SLC30A6: variants seen among roughly 807,000 people sequenced by gnomAD.
SLC30A6 encodes the protein solute carrier family 30 member 6.
In SLC30A6, 55 loss-of-function variants were observed where a neutral mutation model predicts 63.0. The ratio of observed to expected loss-of-function variants is 0.87; its 90% CI spans 0.70 to 1.09. The LOEUF is 1.09. SLC30A6 is among the 50% of genes least tolerant of loss of function. The probability of loss-of-function intolerance (pLI) is 0.00; values close to 1 mark genes in which losing one functional copy is unlikely to be tolerated. For synonymous variants in SLC30A6, 224 were observed against 186.1 expected, an observed-to-expected ratio of 1.20 and a Z score of -1.66; for missense variants, 587 against 549.2, an observed-to-expected ratio of 1.07 and a Z score of -0.69.
intron 10 of SLC30A6, 21 bp from the exon 11 acceptor site, chr2:32,204,569 A>C (rs1285350100): frequency 6.5e-7 from 1 of 1,536,758 alleles, no homozygotes; most frequent in Non-Finnish European, 9.0e-7. Flanking sequence ...TTTAAAATTT[A>C]GAATTGTTTT....
At chr2:32,200,030 G>A (rs988203912) in intron 10 of SLC30A6, among the ~76,000 whole-genome samples, 2 of 151,702 alleles carry the variant, frequency 1.3e-5, no homozygotes, top group Non-Finnish European at 2.9e-5. Flanking sequence ...CAGGAGAATC[G>A]CTTGAACCCA....
At chr2:32,199,554 G>T (rs761038084) in intron 10 of SLC30A6, among the ~76,000 whole-genome samples, 3 of 151,984 alleles carry the variant, frequency 2.0e-5, no homozygotes, top group Non-Finnish European at 2.9e-5. Flanking sequence ...TTTTTTCTTT[G>T]TGTTCTAATT....
intron 13 of SLC30A6, among the ~76,000 whole-genome samples, chr2:32,212,653 A>ATGGC (rs1267202467): frequency 7.3e-6 from 1 of 136,910 alleles, no homozygotes; most frequent in Non-Finnish European, 1.5e-5. Context: ...ACTGAGTGCA[A>ATGGC]TGGCTTGATC....
At chr2:32,212,894 A>ATT (rs10522618) in intron 13 of SLC30A6, among the ~76,000 whole-genome samples, 14 of 118,244 alleles carry the variant, frequency 1.2e-4, no homozygotes, top group South Asian at 6.2e-4. Context: ...TGTGTCCAGC[A>ATT]TTTTTTTTTT....
At chr2:32,203,531 C>T in intron 10 of SLC30A6, 6 of 1,606,336 alleles carry the variant, frequency 3.7e-6, no homozygotes, top group South Asian at 1.1e-5. Context: ...CTTTGAACCA[C>T]GATCTTTGAT....
At chr2:32,203,998 G>T in intron 10 of SLC30A6, 1 of 707,176 alleles carries the variant, frequency 1.4e-6, no homozygotes, top group Non-Finnish European at 2.5e-6. Flanking sequence ...ACGGAGTTTT[G>T]ACTATTTGAT....
chr2:32,215,518 T>TATATATATATATATATATATATATATATA (rs66665816), intron 13 of SLC30A6, among the ~76,000 whole-genome samples: 5 of 93,270 alleles, frequency 5.4e-5, no homozygotes, highest in African/African-American at 2.4e-4. Context: ...ATATATATAT[T>TATATATATATATATATATATATATATATA]TTTTTTTTTT....
intron 1 of SLC30A6, 142 bp downstream of exon 1, chr2:32,166,045 G>C (rs968511201): frequency 6.3e-5 from 79 of 1,248,780 alleles, no homozygotes; most frequent in Admixed American, 1.1e-4. Context: ...AGGAGCGGCT[G>C]TCTCCCAAAA....
chr2:32,199,059 A>G lies in SLC30A6; in HGVS notation c.665+1233A>G, dbSNP rs540599855. On this transcript the variant is annotated intron_variant, in intron 10 of 13. Transcript: ENST00000282587. ...CTCTAGGAATTTGACTTCTCTAAGTACTTCACAGAAATGAAATCATATAAT... is the reference window on the plus strand; with the variant it reads ...CTCTAGGAATTTGACTTCTCTAAGTGCTTCACAGAAATGAAATCATATAAT... Among the ~76,000 whole-genome samples the G allele has an allele frequency of 2.6e-5, 4 of 152,306 alleles. No individual in the cohort carries two copies. In the East Asian group the frequency reaches 7.7e-4, roughly 29 times the overall value.
At chr2:32,189,174 A>G (rs983145462) in intron 5 of SLC30A6, among the ~76,000 whole-genome samples, 1 of 152,122 alleles carries the variant, frequency 6.6e-6, no homozygotes, top group East Asian at 1.9e-4. Flanking sequence ...ATTAAAAGAT[A>G]AGATAATACC....
intron 11 of SLC30A6, among the ~76,000 whole-genome samples, chr2:32,205,224 G>T (rs767875766): frequency 9.9e-5 from 15 of 152,132 alleles, no homozygotes; most frequent in South Asian, 2.1e-4. Flanking sequence ...TTCGAGACCA[G>T]CCTGGCCAAC....
At chr2:32,189,008 ATTG>A (rs1242445440) in intron 5 of SLC30A6, among the ~76,000 whole-genome samples, 1 of 152,186 alleles carries the variant, frequency 6.6e-6, no homozygotes, top group African/African-American at 2.4e-5. Flanking sequence ...AAATTGCTTA[ATTG>A]TTAAGGACAT....
chr2:32,202,190 T>C, intron 10 of SLC30A6: 2 of 801,614 alleles, frequency 2.5e-6, no homozygotes, highest in South Asian at 3.3e-5. Flanking sequence ...ACATCTCTCT[T>C]TCCTGTTCAA....
intron 5 of SLC30A6, among the ~76,000 whole-genome samples, chr2:32,189,655 T>G (rs1558393796): frequency 7.6e-6 from 1 of 132,128 alleles, no homozygotes; most frequent in Non-Finnish European, 1.6e-5. Flanking sequence ...GTAGCCCATG[T>G]TGGAGTACAG....
At chr2:32,205,659 C>CTTTTTTT (rs1478767845) in intron 11 of SLC30A6, among the ~76,000 whole-genome samples, 2 of 97,702 alleles carry the variant, frequency 2.0e-5, no homozygotes, top group Non-Finnish European at 2.1e-5. Flanking sequence ...AAGAATGTTA[C>CTTTTTTT]TTCTTTTTTT....
chr2:32,206,321 C>G lies in SLC30A6; in HGVS notation c.769-565C>G, dbSNP rs1399971518. On this transcript the variant is annotated intron_variant, in intron 11 of 13. Coordinates refer to ENST00000282587, the MANE Select transcript of SLC30A6 (RefSeq NM_017964.5). Reference sequence around the variant, plus strand: ...ATTAGCCGGGCATGGTGGCGAGTGCCTGTAGTCCCAGCTACTCAGGAGGCT... The same window carrying G: ...ATTAGCCGGGCATGGTGGCGAGTGCGTGTAGTCCCAGCTACTCAGGAGGCT... Among the ~76,000 whole-genome samples, 6 of 151,982 alleles carry G rather than the reference C, an allele frequency of 3.9e-5. 2 individuals are homozygous for G. The highest frequency in any genetic ancestry group is 8.8e-5 in the Non-Finnish European group (6 of 68,000).
Position 32,220,618 on chromosome 2 carries a change from C to A in SLC30A6, c.1291C>A (p.Pro431Thr), listed in dbSNP as rs745566159. The change falls in exon 14 of 14, where the codon CCA (proline) becomes ACA (threonine). Residue 431 changes from proline to threonine, a missense_variant. Physicochemically the swap from Pro to Thr is conservative, Grantham distance 38. Transcript: ENST00000282587. Reference sequence around the variant, plus strand: ...CATGCTTAATCAAGGACTTGGAGTTCCAGGAATTGGAGCAACTCAAGGATT... The same window carrying A: ...CATGCTTAATCAAGGACTTGGAGTTACAGGAATTGGAGCAACTCAAGGATT... ...SSMLNQGLGV[P>T]GIGATQGLRT... The A allele has an allele frequency of 6.2e-7, 1 of 1,614,122 alleles. No individual in the cohort carries two copies. Among genetic ancestry groups the A allele is most frequent in the Admixed American group, 1.7e-5 (1 of 60,012 alleles).
intron 10 of SLC30A6, chr2:32,201,727 C>T: frequency 7.6e-7 from 1 of 1,322,530 alleles, no homozygotes; most frequent in Non-Finnish European, 1.1e-6. Flanking sequence ...GGATTATGGA[C>T]CTGTACTTCC....
chr2:32,166,440 G>A (rs1005456668), intron 1 of SLC30A6, among the ~76,000 whole-genome samples: 1 of 152,228 alleles, frequency 6.6e-6, no homozygotes, highest in African/African-American at 2.4e-5. Context: ...TCAAGGTGTT[G>A]GTAGGACATT....
Sources: allele counts gnomAD v4.1 joint callset (sites outside exome capture counted in the v4.1 genomes callset), GRCh38; gene constraint gnomAD v4.1.1; transcripts MANE v1.5; gene names NCBI Gene and HGNC (gene_info 2026-07-23, HGNC 2026-07-21).